The following FBXL7 variants were observed in gnomAD, a reference collection of about 807,000 sequenced individuals.
FBXL7 encodes the protein F-box/LRR-repeat protein 7.
In FBXL7, 12 loss-of-function variants were observed where a neutral mutation model predicts 38.3. The observed-to-expected ratio is 0.31, with a 90% CI of 0.20 to 0.51. The LOEUF (loss-of-function observed/expected upper bound fraction) is 0.51. FBXL7 is among the 20% of genes least tolerant of loss of function. FBXL7 has a pLI of 0.98. For synonymous variants in FBXL7, 297 were observed against 300.9 expected, an observed-to-expected ratio of 0.99 and a Z score of 0.13; for missense variants, 567 against 676.4, an observed-to-expected ratio of 0.84 and a Z score of 1.79.
chr5:15,734,789 A>T (rs12515897), intron 2 of FBXL7, among the ~76,000 whole-genome samples: 113,191 of 152,218 alleles, frequency 0.74, 42,320 homozygotes, highest in East Asian at 0.88. Context: ...AGGAGCACTC[A>T]TGTAGGTCTT....
In FBXL7 at chr5:15,939,050, T is replaced by C. The variant is rs1742275645; in HGVS notation, c.*1864T>C. The C allele has an allele frequency of 2.5e-6, 1 of 399,096 alleles. No individual in the cohort carries two copies. The highest frequency in any genetic ancestry group is 4.4e-6 in the Non-Finnish European group (1 of 226,072). 24.7% of individuals were successfully genotyped at this position (399,096 alleles called of 1,614,324 possible). ...CAACTGCACTCCTACTGTAGGCTCCTGTGCATACTGTCGTCTTCTGTGGGG... is the reference window on the plus strand; with the variant it reads ...CAACTGCACTCCTACTGTAGGCTCCCGTGCATACTGTCGTCTTCTGTGGGG... On this transcript the variant is annotated 3_prime_UTR_variant, in exon 4 of 4. Coordinates refer to ENST00000504595, the MANE Select transcript of FBXL7 (RefSeq NM_012304.5).
intron 2 of FBXL7, among the ~76,000 whole-genome samples, chr5:15,865,146 A>G (rs1194334237): frequency 3.3e-5 from 5 of 152,198 alleles, no homozygotes; most frequent in African/African-American, 1.2e-4. Flanking sequence ...TCTGGCTCCA[A>G]ACATCCATTC....
intron 2 of FBXL7, among the ~76,000 whole-genome samples, chr5:15,890,604 G>A (rs570208444): frequency 6.6e-6 from 1 of 152,130 alleles, no homozygotes; most frequent in Non-Finnish European, 1.5e-5. Flanking sequence ...GACCTAGGTT[G>A]CACGCCCTTT....
At chr5:15,793,706 T>G (rs1476569676) in intron 2 of FBXL7, among the ~76,000 whole-genome samples, 1 of 152,170 alleles carries the variant, frequency 6.6e-6, no homozygotes, top group Non-Finnish European at 1.5e-5. Context: ...GACTGATTTC[T>G]TATGATAATA....
At chr5:15,790,706 T>TAA (rs1737250761) in intron 2 of FBXL7, among the ~76,000 whole-genome samples, 1 of 152,168 alleles carries the variant, frequency 6.6e-6, no homozygotes, top group South Asian at 2.1e-4. Flanking sequence ...TTAGAGCAGC[T>TAA]TCCCTGACAT....
intron 2 of FBXL7, among the ~76,000 whole-genome samples, chr5:15,903,838 G>C (rs1044486892): frequency 6.6e-6 from 1 of 152,264 alleles, no homozygotes; most frequent in Admixed American, 6.5e-5. Context: ...TACAGAGGTG[G>C]CAGAACTCTT....
chr5:15,621,115 T>A (rs1331386147), intron 2 of FBXL7, among the ~76,000 whole-genome samples: 2 of 152,194 alleles, frequency 1.3e-5, no homozygotes, highest in African/African-American at 2.4e-5. Context: ...AGTGTTCCAT[T>A]CCAAAGTCTC....
intron 2 of FBXL7, among the ~76,000 whole-genome samples, chr5:15,819,588 A>G (rs1273125328): frequency 6.6e-6 from 1 of 152,232 alleles, no homozygotes; most frequent in African/African-American, 2.4e-5. Flanking sequence ...AACAAAGGGC[A>G]AAGGAGGGGG....
chr5:15,570,618 A>G (rs1215417247), intron 1 of FBXL7, among the ~76,000 whole-genome samples: 1 of 152,154 alleles, frequency 6.6e-6, no homozygotes, highest in African/African-American at 2.4e-5. Flanking sequence ...GCTCTATGCA[A>G]GGTACAGACC....
intron 2 of FBXL7, among the ~76,000 whole-genome samples, chr5:15,624,149 G>T (rs189404298): frequency 5.3e-5 from 8 of 152,284 alleles, no homozygotes; most frequent in Admixed American, 5.2e-4. Flanking sequence ...GATCCATATA[G>T]GGTCTAGAAA....
intron 1 of FBXL7, among the ~76,000 whole-genome samples, chr5:15,524,154 A>G (rs1374053092): frequency 1.3e-5 from 2 of 152,228 alleles, no homozygotes; most frequent in African/African-American, 2.4e-5. Context: ...TCTGTCCACT[A>G]AGAAGCATGT....
intron 2 of FBXL7, among the ~76,000 whole-genome samples, chr5:15,784,596 T>C (rs1737085132): frequency 6.6e-6 from 1 of 152,098 alleles, no homozygotes. Flanking sequence ...CATGGCTTGA[T>C]GCTGTCACTT....
At chr5:15,831,256 A>G (rs528244988) in intron 2 of FBXL7, among the ~76,000 whole-genome samples, 44 of 152,160 alleles carry the variant, frequency 2.9e-4, no homozygotes, top group Non-Finnish European at 5.9e-4. Flanking sequence ...TGGGAAAGGG[A>G]GTAGACAAGG....
At chr5:15,525,668 G>A (rs1307306780) in intron 1 of FBXL7, among the ~76,000 whole-genome samples, 5 of 152,062 alleles carry the variant, frequency 3.3e-5, no homozygotes, top group Non-Finnish European at 4.4e-5. Context: ...ATACACACAG[G>A]CATGCATCTG....
chr5:15,552,873 A>C (rs1034531830), intron 1 of FBXL7, among the ~76,000 whole-genome samples: 2 of 152,136 alleles, frequency 1.3e-5, no homozygotes, highest in African/African-American at 4.8e-5. Flanking sequence ...CACGAGGTCA[A>C]GAGATGGAGA....
intron 2 of FBXL7, among the ~76,000 whole-genome samples, chr5:15,689,267 G>GTTTTTTTTTTTTTTTT (rs34173414): frequency 7.0e-6 from 1 of 142,592 alleles, no homozygotes. Flanking sequence ...TTTATTTTCA[G>GTTTTTTTTTTTTTTTT]TTTTTTTTTT....
intron 2 of FBXL7, among the ~76,000 whole-genome samples, chr5:15,766,117 C>T (rs966005531): frequency 1.1e-4 from 16 of 151,688 alleles, no homozygotes; most frequent in African/African-American, 3.6e-4. Flanking sequence ...CTGCAAACAC[C>T]ATATTGTTTC....
chr5:15,914,508 G>A (rs1398984612), intron 2 of FBXL7, among the ~76,000 whole-genome samples: 1 of 152,082 alleles, frequency 6.6e-6, no homozygotes, highest in Non-Finnish European at 1.5e-5. Context: ...GGCTGCATGA[G>A]ATTGTTTTTG....
Position 15,699,731 on chromosome 5 carries a change from A to G in FBXL7, c.127+83659A>G, listed in dbSNP as rs114422099. The stretch of plus-strand genomic sequence containing the variant: ...ACACACTACAATTACAGGTTTCACT[A>G]ACCTGACTGCCAGATCCTGACTCAG... On this transcript the variant is annotated intron_variant, in intron 2 of 3. Coordinates refer to ENST00000504595, the MANE Select transcript of FBXL7 (RefSeq NM_012304.5). Among the ~76,000 whole-genome samples the G allele has an allele frequency of 6.5e-3, 997 of 152,318 alleles. 11 individuals carry two copies. The highest frequency in any genetic ancestry group is 0.023 in the African/African-American group (946 of 41,568).
Sources: allele counts gnomAD v4.1 joint callset (sites outside exome capture counted in the v4.1 genomes callset), GRCh38; gene constraint gnomAD v4.1.1; transcripts MANE v1.5; gene names NCBI Gene and HGNC (gene_info 2026-07-23, HGNC 2026-07-21).